ZNF875: variants seen among roughly 807,000 people sequenced by gnomAD.
ZNF875 encodes zinc finger protein 875.
In ZNF875, 14 loss-of-function variants were observed where a neutral mutation model predicts 11.2. The observed-to-expected ratio is 1.26, with a 90% confidence interval of 0.83 to 1.96. The LOEUF (loss-of-function observed/expected upper bound fraction) is 1.96, where lower values mean the gene tolerates loss of function less well. Among genes scored for constraint, ZNF875 ranks in the 30% most tolerant of loss-of-function variants. The pLI is 0.00. For synonymous variants in ZNF875, 301 were observed against 281.1 expected (o/e 1.07, Z -0.71); for missense variants, 752 against 760.4 (o/e 0.99, Z 0.13).
chr19:37,319,179 T>A (rs1599846097), intron 1 of ZNF875, among the ~76,000 whole-genome samples: 1 of 151,180 alleles, frequency 6.6e-6, no homozygotes, highest in African/African-American at 2.4e-5. Flanking sequence ...CATGAGTAGC[T>A]GGGATTATAG....
In ZNF875 at chr19:37,362,634, A is replaced by G. The variant is rs891602072; in HGVS notation, c.782A>G (p.Asp261Gly). Residue 261 changes from aspartate to glycine, a missense_variant, in exon 5 of 5, where the codon GAC becomes GGC. By Grantham distance (94) the Asp-to-Gly change is moderately conservative (BLOSUM62 -1). Coordinates refer to ENST00000392153, the MANE Select transcript of ZNF875 (RefSeq NM_001353803.2). The part of the protein sequence containing the change: ...ETPYMYTEWG[D>G]SFGSMSVLIK... ...CCTTACATGTACACTGAGTGGGGAG[A>G]CAGCTTTGGCAGTATGTCAGTCCTC... The G allele has an allele frequency of 2.5e-6, 4 of 1,613,238 alleles. No homozygotes were observed. The African/African-American group carries it at 5.3e-5, about 22-fold the overall frequency.
chr19:37,332,518 ACTT>A (rs1465293474), upstream of ZNF875, among the ~76,000 whole-genome samples: 3 of 152,050 alleles, frequency 2.0e-5, no homozygotes, highest in Non-Finnish European at 4.4e-5. Flanking sequence ...TGCCTGGCCA[ACTT>A]CTTGCTCTTT....
chr19:37,358,133 CTTTTTTTTTTTTTT>C (rs35011906), intron 4 of ZNF875: 1 of 85,030 alleles, frequency 1.2e-5, no homozygotes, highest in Non-Finnish European at 2.1e-5. Flanking sequence ...TTAAGATGAT[CTTTTTTTTTTTTTT>C]TTTTTTTTTT....
At chr19:37,343,592 T>C (rs2036203794) in intron 2 of ZNF875, among the ~76,000 whole-genome samples, 1 of 152,086 alleles carries the variant, frequency 6.6e-6, no homozygotes, top group Admixed American at 6.6e-5. Context: ...TTCTTCTCCA[T>C]GTGGCCTCTT....
chr19:37,339,446 A>G (rs1404990635), intron 2 of ZNF875, among the ~76,000 whole-genome samples: 1 of 151,922 alleles, frequency 6.6e-6, no homozygotes, highest in African/African-American at 2.4e-5. Context: ...AAATTCTTAT[A>G]TAGGTTTTTA....
At chr19:37,356,084 C>T (rs2038857042) in intron 4 of ZNF875, among the ~76,000 whole-genome samples, 1 of 152,210 alleles carries the variant, frequency 6.6e-6, no homozygotes, top group Admixed American at 6.5e-5. Flanking sequence ...CTAGCTGCAT[C>T]CATGTTGCTG....
chr19:37,347,229 CAGG>C lies in ZNF875; in HGVS notation c.79_81del (p.Glu27del). 1 of 1,614,092 alleles carries C rather than the reference CAGG, an allele frequency of 6.2e-7. No homozygotes were observed. Among genetic ancestry groups the C allele is most frequent in the Non-Finnish European group, 8.5e-7 (1 of 1,179,988 alleles). On this transcript the variant is annotated inframe_deletion, in exon 3 of 5. Coordinates refer to ENST00000392153, the MANE Select transcript of ZNF875 (RefSeq NM_001353803.2). ...CAGGGATGTGGCTGTGTACTTCACC[CAGG>C]AGGAGTGGAGGTTGTTGAGCCCTGC...
In ZNF875 at chr19:37,363,771, G is replaced by C. The variant is rs774940414; in HGVS notation, c.1919G>C (p.Gly640Ala). 2 of 1,613,312 alleles carry C rather than the reference G, an allele frequency of 1.2e-6. No individual in the cohort carries two copies. The highest frequency in any genetic ancestry group is 3.3e-5 in the Admixed American group (2 of 59,976). The change falls in exon 5 of 5, where the codon GGA becomes GCA. Residue 640 changes from glycine to alanine, a missense_variant. Transcript: ENST00000392153. ...NLIRHQRTHS[G>A] ...ATCAGACATCAGAGGACACACTCAG[G>C]ATAGAAACTTTATGTGTATAGGGAA...
At chr19:37,330,483 G>T (rs1408562806), upstream of ZNF875, among the ~76,000 whole-genome samples, 1 of 152,160 alleles carries the variant, frequency 6.6e-6, no homozygotes, top group Non-Finnish European at 1.5e-5. Context: ...TTTATGCACA[G>T]ACTTAATGTG....
chr19:37,328,060 G>A (rs1446985877), intron 4 of ZNF875, among the ~76,000 whole-genome samples: 1 of 152,040 alleles, frequency 6.6e-6, no homozygotes, highest in African/African-American at 2.4e-5. Flanking sequence ...TGACCAACAC[G>A]GAGAAACCCC....
At chr19:37,360,717 A>C (rs766903080) in intron 4 of ZNF875, among the ~76,000 whole-genome samples, 1 of 151,710 alleles carries the variant, frequency 6.6e-6, no homozygotes, top group African/African-American at 2.4e-5. Flanking sequence ...ACTGGCCTCT[A>C]ACTTCTGGCC....
rs748232334 is a variant in ZNF875, at chr19:37,362,419, C to T, written c.567C>T (p.Ser189=). Residue 189 remains serine (S), a synonymous_variant, in exon 5 of 5, where the codon TCC becomes TCT. Transcript: ENST00000392153. ...SPPEEQQPAQ[S]KEDNTVVDIG... ...CTGAAGAACAACAGCCAGCACAGTC[C>T]AAGGAAGACAACACAGTGGTGGATA... 1.9e-6 allele frequency: 3 copies of T among 1,614,076 alleles called. No homozygotes were observed. The South Asian group carries it at 3.3e-5, about 18-fold the overall frequency.
In ZNF875 at chr19:37,362,941, GA is replaced by G. The variant is rs1484474747; in HGVS notation, c.1091del (p.Lys364SerfsTer50). On this transcript the variant is annotated frameshift_variant, in exon 5 of 5. Coordinates refer to ENST00000392153, the MANE Select transcript of ZNF875 (RefSeq NM_001353803.2). LOFTEE classifies it low-confidence loss of function (END_TRUNC). Reference sequence around the variant, plus strand: ...CCCACCAGAGGGCGCACACTGGGGAGAAGCCTTATGTTTGCAGGGAATGTGG... The same window carrying G: ...CCCACCAGAGGGCGCACACTGGGGAGAGCCTTATGTTTGCAGGGAATGTGG... ...ITHQRAHTGEKPYVCRECGRG... is the reference protein window; with the variant it reads ...ITHQRAHTGEXPYVCRECGRG... The G allele has an allele frequency of 2.5e-6, 4 of 1,613,150 alleles. No homozygotes were observed. In the African/African-American group the frequency reaches 5.4e-5, roughly 22 times the overall value.
At chr19:37,322,717 T>C (rs1006431327) in intron 2 of ZNF875, among the ~76,000 whole-genome samples, 3 of 152,196 alleles carry the variant, frequency 2.0e-5, no homozygotes, top group African/African-American at 7.2e-5. Flanking sequence ...AACTTTGCCC[T>C]GTTAATTGAA....
intron 2 of ZNF875, among the ~76,000 whole-genome samples, chr19:37,336,189 G>C (rs1025069729): frequency 6.6e-6 from 1 of 152,076 alleles, no homozygotes; most frequent in African/African-American, 2.4e-5. Context: ...GTTGGAGATT[G>C]GGGGGAAGGC....
chr19:37,341,924 A>G (rs1386430319), intron 2 of ZNF875, among the ~76,000 whole-genome samples: 5 of 152,238 alleles, frequency 3.3e-5, no homozygotes, highest in African/African-American at 7.2e-5. Context: ...AAGGACAGGA[A>G]TTAAGCATAG....
upstream of ZNF875, chr19:37,317,203 T>TTTTTC (rs2030282327): frequency 7.7e-6 from 1 of 130,228 alleles, no homozygotes; most frequent in Non-Finnish European, 1.6e-5. Context: ...TTTTTTTTTT[T>TTTTTC]GAGACGGAGT....
intron 2 of ZNF875, among the ~76,000 whole-genome samples, chr19:37,338,222 A>C (rs1481098326): frequency 6.6e-6 from 1 of 152,090 alleles, no homozygotes; most frequent in African/African-American, 2.4e-5. Flanking sequence ...TCCTGGGTTC[A>C]AGCGATTCTC....
Position 37,363,024 on chromosome 19 carries a change from A to T in ZNF875, c.1172A>T (p.Glu391Val). ...AGACACAAGAGGACACATTCAGGAG[A>T]GAAGCCTTACATTTGCAGGGAGTGT... Reference protein sequence around the residue: ...LVRHKRTHSGEKPYICRECEQ... With the variant: ...LVRHKRTHSGVKPYICRECEQ... Residue 391 changes from glutamate (E) to valine (V), a missense_variant, in exon 5 of 5, where the codon GAG (glutamate) becomes GTG (valine). By Grantham distance (121) the Glu-to-Val change is moderately radical (BLOSUM62 -2). Transcript: ENST00000392153. 1 of 1,614,174 alleles carries T rather than the reference A, an allele frequency of 6.2e-7. No individual in the cohort carries two copies. Among genetic ancestry groups the T allele is most frequent in the Non-Finnish European group, 8.5e-7 (1 of 1,180,036 alleles).
Sources: allele counts gnomAD v4.1 joint callset (sites outside exome capture counted in the v4.1 genomes callset), GRCh38; gene constraint gnomAD v4.1.1; transcripts MANE v1.5; gene names NCBI Gene and HGNC (gene_info 2026-07-23, HGNC 2026-07-21).